Variants in EP300 observed in about 807,000 individuals in gnomAD.
The protein encoded by EP300 is EP300 lysine acetyltransferase.
In EP300, 31 loss-of-function variants were observed where a neutral mutation model predicts 264.0. The observed-to-expected ratio is 0.12, with a 90% CI of 0.09 to 0.16. The LOEUF (loss-of-function observed/expected upper bound fraction) is 0.16, where lower values mean the gene tolerates loss of function less well. EP300 is among the 10% of genes least tolerant of loss of function. The pLI is 1.00. For synonymous variants in EP300, 1,340 were observed against 1,045.4 expected (o/e 1.28, Z -5.44); for missense variants, 2,766 against 3,052.9 (o/e 0.91, Z 2.21).
At chr22:41,173,601 T>C in intron 28 of EP300, 22 bp from the exon 29 acceptor site, 1 of 1,613,574 alleles carries the variant, frequency 6.2e-7, no homozygotes, top group South Asian at 1.1e-5. Flanking sequence ...TATTTTCTTG[T>C]CTCCTTTGTG....
chr22:41,148,862 G>A, intron 12 of EP300, 176 bp from the exon 13 acceptor site: 1 of 729,198 alleles, frequency 1.4e-6, no homozygotes, highest in Non-Finnish European at 2.3e-6. Flanking sequence ...CTTGGCACAA[G>A]AGTCAGTTGT....
chr22:41,174,620 G>A (rs1023219857), intron 29 of EP300: 3 of 151,660 alleles, frequency 2.0e-5, no homozygotes, highest in Middle Eastern at 3.4e-3. Flanking sequence ...AATTGATAAC[G>A]AAAGCCAGGA....
intron 4 of EP300, 47 bp downstream of exon 4, chr22:41,127,795 G>A: frequency 1.9e-6 from 3 of 1,609,896 alleles, no homozygotes; most frequent in Middle Eastern, 1.9e-4. Context: ...TTTACAGCCA[G>A]GGAGAAGAAG....
At chr22:41,176,652 G>T in intron 30 of EP300, 121 bp from the exon 31 acceptor site, 1 of 1,608,510 alleles carries the variant, frequency 6.2e-7, no homozygotes, top group Non-Finnish European at 8.5e-7. Context: ...TTGAGGGGCA[G>T]AGCTGAAGAG....
intron 9 of EP300, among the ~76,000 whole-genome samples, chr22:41,140,778 T>A (rs941002041): frequency 6.6e-6 from 1 of 152,080 alleles, no homozygotes; most frequent in African/African-American, 2.4e-5. Context: ...GAGGGAGACC[T>A]TGTCTCTCTC....
chr22:41,173,060 C>T (rs910555209), intron 28 of EP300, among the ~76,000 whole-genome samples: 3 of 152,150 alleles, frequency 2.0e-5, no homozygotes, highest in Non-Finnish European at 4.4e-5. Context: ...CTTAGCTATA[C>T]AAAATAGGCC....
At chr22:41,093,308 T>C (rs1307647673) in intron 1 of EP300, among the ~76,000 whole-genome samples, 3 of 152,210 alleles carry the variant, frequency 2.0e-5, no homozygotes, top group East Asian at 1.9e-4. Flanking sequence ...CTATGTCATA[T>C]CGGTGTGTGT....
At chr22:41,164,346 T>TATATAATATATAATATATTTATATATTA (rs2059123714) in intron 22 of EP300, among the ~76,000 whole-genome samples, 1 of 152,238 alleles carries the variant, frequency 6.6e-6, no homozygotes, top group Non-Finnish European at 1.5e-5. Flanking sequence ...TGCATTCTTC[T>TATATAATATATAATATATTTATATATTA]TAGCCATATA....
chr22:41,154,044 C>G (rs1259015050), intron 16 of EP300, among the ~76,000 whole-genome samples: 1 of 152,122 alleles, frequency 6.6e-6, no homozygotes, highest in African/African-American at 2.4e-5. Flanking sequence ...CAAATTTTTC[C>G]GGACTTTTTG....
At position 41,150,070 on chromosome 22, in the gene EP300, G is replaced by A. The variant is rs1375233087; in HGVS notation, c.2689G>A (p.Val897Met). Residue 897 changes from valine to methionine, a missense_variant, in exon 14 of 31, where the codon GTG becomes ATG. Physicochemically the swap from Val to Met is conservative, Grantham distance 21. Coordinates refer to ENST00000263253, the MANE Select transcript of EP300 (RefSeq NM_001429.4). Reference sequence around the variant, plus strand: ...ACCAACAACACAACTTCCCCAACAAGTGCAGCCTTCACTTCCTGCTGCACC... The same window carrying A: ...ACCAACAACACAACTTCCCCAACAAATGCAGCCTTCACTTCCTGCTGCACC... ...TPPTTQLPQQ[V>M]QPSLPAAPSA... The A allele has an allele frequency of 1.9e-6, 3 of 1,613,770 alleles. No individual in the cohort carries two copies. Among genetic ancestry groups the A allele is most frequent in the South Asian group, 2.2e-5 (2 of 91,074 alleles).
Position 41,169,601 on chromosome 22 carries a change from A to T in EP300, c.4271A>T (p.Tyr1424Phe). The change falls in exon 26 of 31, where the codon TAT becomes TTT. Residue 1424 changes from tyrosine to phenylalanine, a missense_variant. Transcript: ENST00000263253. The part of the protein sequence containing the change: ...YHEILIGYLE[Y>F]VKKLGYTTGH... ...GAAATCCTAATTGGATATTTAGAAT[A>T]TGTCAAGAAATTAGGGTAAGCATAT... 1 of 1,592,510 alleles carries T rather than the reference A, an allele frequency of 6.3e-7. No homozygotes were observed. Among genetic ancestry groups the T allele is most frequent in the Non-Finnish European group, 8.6e-7 (1 of 1,162,484 alleles).
chr22:41,177,416 C>T lies in EP300; in HGVS notation c.5705C>T (p.Ala1902Val), dbSNP rs2145517206. ...AAGPVSQGKA[A>V]GQVTPPTPPQ... is the part of the protein sequence containing the mutation. ...GGCCCTGTGTCCCAGGGTAAGGCAG[C>T]AGGCCAGGTGACCCCTCCAACCCCT... Residue 1902 changes from alanine to valine, a missense_variant, in exon 31 of 31, where the codon GCA (alanine) becomes GTA (valine). Coordinates refer to ENST00000263253, the MANE Select transcript of EP300 (RefSeq NM_001429.4). The T allele has an allele frequency of 6.2e-7, 1 of 1,614,202 alleles. No homozygotes were observed. Among genetic ancestry groups the T allele is most frequent in the South Asian group, 1.1e-5 (1 of 91,082 alleles).
intron 7 of EP300, among the ~76,000 whole-genome samples, chr22:41,137,356 C>CCAA (rs2058957154): frequency 1.1e-5 from 1 of 92,912 alleles, no homozygotes; most frequent in Non-Finnish European, 2.0e-5. Context: ...GACTTTGTCT[C>CCAA]AAAAAAAAAA....
intron 16 of EP300, among the ~76,000 whole-genome samples, chr22:41,153,222 G>C (rs1448944086): frequency 1.3e-5 from 2 of 152,158 alleles, no homozygotes; most frequent in East Asian, 3.8e-4. Flanking sequence ...AGTGTTAATT[G>C]ACTATTTTAG....
chr22:41,161,261 G>C (rs1177675907), intron 20 of EP300, among the ~76,000 whole-genome samples: 1 of 152,194 alleles, frequency 6.6e-6, no homozygotes, highest in Non-Finnish European at 1.5e-5. Context: ...GTGCTTTGCA[G>C]TCTCACAAGC....
chr22:41,100,081 A>C (rs1486470729), intron 1 of EP300, among the ~76,000 whole-genome samples: 1 of 152,044 alleles, frequency 6.6e-6, no homozygotes, highest in Non-Finnish European at 1.5e-5. Context: ...AAAATTTAAA[A>C]AGTCAGCAAG....
intron 1 of EP300, 36 bp downstream of exon 1, chr22:41,093,134 T>TTA: frequency 1.2e-6 from 2 of 1,602,500 alleles, no homozygotes; most frequent in South Asian, 2.2e-5. Flanking sequence ...CACGTTCCCT[T>TTA]TAATCTTTTC....
chr22:41,119,988 A>G (rs2058843368), intron 2 of EP300, among the ~76,000 whole-genome samples: 1 of 151,900 alleles, frequency 6.6e-6, no homozygotes, highest in Admixed American at 6.6e-5. Flanking sequence ...TAATTTTTGT[A>G]TTTTTAGTAG....
At chr22:41,109,926 G>T (rs1390122287) in intron 1 of EP300, among the ~76,000 whole-genome samples, 1 of 151,638 alleles carries the variant, frequency 6.6e-6, no homozygotes, top group African/African-American at 2.4e-5. Flanking sequence ...CAATTCTCCT[G>T]CCCCGGCCTC....
Sources: allele counts gnomAD v4.1 joint callset (sites outside exome capture counted in the v4.1 genomes callset), GRCh38; gene constraint gnomAD v4.1.1; transcripts MANE v1.5; gene names NCBI Gene and HGNC (gene_info 2026-07-23, HGNC 2026-07-21).